FMN2: variants seen among roughly 807,000 people sequenced by gnomAD.
FMN2 encodes formin 2.
In FMN2, 51 loss-of-function variants were observed where a neutral mutation model predicts 142.3. The ratio of observed to expected loss-of-function variants is 0.36; its 90% CI spans 0.29 to 0.45. FMN2 has a LOEUF of 0.45. Among genes scored for constraint, FMN2 ranks in the 20% least tolerant of loss-of-function variants. FMN2 has a pLI of 1.00. For synonymous variants in FMN2, 882 were observed against 869.8 expected, an observed-to-expected ratio of 1.01 and a Z score of -0.25; for missense variants, 1,936 against 2,122.8, an observed-to-expected ratio of 0.91 and a Z score of 1.73.
At chr1:240,358,596 G>A (rs1411623325) in intron 14 of FMN2, among the ~76,000 whole-genome samples, 2 of 148,794 alleles carry the variant, frequency 1.3e-5, no homozygotes, top group Non-Finnish European at 3.0e-5. Context: ...AGGCGAAGGG[G>A]AAGCAAGGCA....
At chr1:240,228,025 C>T (rs1471641837) in intron 6 of FMN2, among the ~76,000 whole-genome samples, 2 of 151,796 alleles carry the variant, frequency 1.3e-5, no homozygotes, top group East Asian at 1.9e-4. Flanking sequence ...TGGGCAAGGC[C>T]GAGCGCAGTG....
chr1:240,421,170 G>A (rs1192510977), intron 15 of FMN2, among the ~76,000 whole-genome samples: 2 of 152,092 alleles, frequency 1.3e-5, no homozygotes, highest in Admixed American at 6.6e-5. Context: ...CCGTGCAAAT[G>A]AAGTGATTGG....
chr1:240,320,213 A>G (rs977937110), intron 8 of FMN2, among the ~76,000 whole-genome samples: 23 of 152,158 alleles, frequency 1.5e-4, no homozygotes, highest in African/African-American at 5.1e-4. Context: ...GTACTTGTAG[A>G]CTGAAACGAT....
At chr1:240,159,972 T>TACAC (rs767025880) in intron 2 of FMN2, among the ~76,000 whole-genome samples, 9,088 of 126,232 alleles carry the variant, frequency 0.072, 371 homozygotes, top group South Asian at 0.11. Flanking sequence ...TATATATATA[T>TACAC]ATACACACAC....
rs1662948429 is a variant in FMN2 at position 240,136,561 on chromosome 1, T to C, written c.1782+13216T>C. ...TTTCACAACTGGTACTTTTTTTTAATCACCCATTTGGCAAACAGTGTTGGG... is the reference window on the plus strand; with the variant it reads ...TTTCACAACTGGTACTTTTTTTTAACCACCCATTTGGCAAACAGTGTTGGG... On this transcript the variant is annotated intron_variant, in intron 2 of 17. Coordinates refer to ENST00000319653, the MANE Select transcript of FMN2 (RefSeq NM_020066.5). Among the ~76,000 whole-genome samples, 5 of 152,216 alleles carry C rather than the reference T, an allele frequency of 3.3e-5. No individual in the cohort carries two copies. The South Asian group carries it at 1.0e-3, about 31-fold the overall frequency.
At chr1:240,279,371 T>C (rs996371970) in intron 7 of FMN2, among the ~76,000 whole-genome samples, 6 of 152,164 alleles carry the variant, frequency 3.9e-5, no homozygotes, top group Non-Finnish European at 8.8e-5. Flanking sequence ...TGAAAGTCAC[T>C]GGATACTTAA....
Position 240,143,999 on chromosome 1 carries a change from A to G in FMN2, c.1782+20654A>G, listed in dbSNP as rs1325392610. The G allele has an allele frequency of 4.8e-6, 6 of 1,246,256 alleles. No individual in the cohort carries two copies. In the East Asian group the frequency reaches 9.3e-5, roughly 19 times the overall value. The allele number at this position is 1,246,256 out of a possible 1,614,324, so 77.2% of individuals were successfully genotyped here. The stretch of plus-strand genomic sequence containing the variant: ...GTCTGAAAGCAGTCCCAGAGCAGGG[A>G]CACACTCATTCCAGACCCCAGAGTT... On this transcript the variant is annotated intron_variant, in intron 2 of 17. Coordinates refer to ENST00000319653, the MANE Select transcript of FMN2 (RefSeq NM_020066.5).
At chr1:240,201,856 G>A (rs958960791) in intron 4 of FMN2, among the ~76,000 whole-genome samples, 2 of 152,120 alleles carry the variant, frequency 1.3e-5, no homozygotes, top group African/African-American at 4.8e-5. Context: ...ATAAAATCAG[G>A]TGTTTTATGG....
intron 13 of FMN2, among the ~76,000 whole-genome samples, chr1:240,341,086 A>G (rs926187589): frequency 1.3e-5 from 2 of 152,134 alleles, no homozygotes; most frequent in African/African-American, 4.8e-5. Flanking sequence ...CCTCAACATT[A>G]TCTTCTAATT....
At chr1:240,412,463 C>G (rs766299145) in intron 15 of FMN2, among the ~76,000 whole-genome samples, 2 of 151,958 alleles carry the variant, frequency 1.3e-5, no homozygotes, top group Non-Finnish European at 2.9e-5. Context: ...TTTTTAAAAC[C>G]ACTTTTGGTT....
chr1:240,148,657 G>A (rs927526951), intron 2 of FMN2, among the ~76,000 whole-genome samples: 1 of 152,150 alleles, frequency 6.6e-6, no homozygotes, highest in African/African-American at 2.4e-5. Flanking sequence ...AAATGCAGAT[G>A]TTCATACCCA....
chr1:240,130,018 C>T (rs565831834), intron 2 of FMN2, among the ~76,000 whole-genome samples: 4 of 152,194 alleles, frequency 2.6e-5, no homozygotes, highest in African/African-American at 7.2e-5. Flanking sequence ...CCCCACTCAC[C>T]GTGTAATAGT....
At chr1:240,143,417 C>G in intron 2 of FMN2, 1 of 1,428,832 alleles carries the variant, frequency 7.0e-7, no homozygotes, top group Non-Finnish European at 9.9e-7. Flanking sequence ...AGGGCAATCC[C>G]CAGAACAGCC....
intron 13 of FMN2, among the ~76,000 whole-genome samples, chr1:240,343,295 G>A (rs1202895871): frequency 1.3e-5 from 2 of 152,164 alleles, no homozygotes; most frequent in African/African-American, 4.8e-5. Flanking sequence ...CTATGCCATA[G>A]ATAGGATCAT....
Position 240,328,105 on chromosome 1 carries a change from G to A in FMN2, c.4216-971G>A, listed in dbSNP as rs182819418. On this transcript the variant is annotated intron_variant, in intron 8 of 17. Transcript: ENST00000319653. ...GCAGGTTGTAGTGAGCAGATGTGGCGCCATTGTACTCCCACCTGGGTGACG... is the reference window on the plus strand; with the variant it reads ...GCAGGTTGTAGTGAGCAGATGTGGCACCATTGTACTCCCACCTGGGTGACG... 3.2e-3 allele frequency among the ~76,000 whole-genome samples: 408 copies of A among 128,048 alleles called. 2 individuals are homozygous for A. Among genetic ancestry groups the A allele is most frequent in the South Asian group, 0.018 (74 of 4,140 alleles). 84.0% of individuals were successfully genotyped at this position (128,048 alleles called of 152,430 possible). A position where few individuals can be genotyped will look rare whatever the true frequency, so the allele number is the denominator to read the frequency against.
At chr1:240,172,631 G>C (rs1336986805) in intron 2 of FMN2, among the ~76,000 whole-genome samples, 1 of 152,034 alleles carries the variant, frequency 6.6e-6, no homozygotes, top group Non-Finnish European at 1.5e-5. Context: ...GAATATTGAG[G>C]CTCCAAAAGG....
At chr1:240,353,608 A>G (rs1488030775) in intron 13 of FMN2, among the ~76,000 whole-genome samples, 1 of 152,218 alleles carries the variant, frequency 6.6e-6, no homozygotes, top group Non-Finnish European at 1.5e-5. Context: ...ATAGTGTGGT[A>G]GTTGATATTG....
intron 15 of FMN2, among the ~76,000 whole-genome samples, chr1:240,434,307 G>A (rs189259024): frequency 8.9e-4 from 135 of 152,236 alleles, no homozygotes; most frequent in Non-Finnish European, 1.6e-3. Context: ...GTATATGGTG[G>A]CTGGGATCCT....
chr1:240,413,499 T>C (rs984058624), intron 15 of FMN2, among the ~76,000 whole-genome samples: 1 of 152,172 alleles, frequency 6.6e-6, no homozygotes, highest in Admixed American at 6.5e-5. Flanking sequence ...CTCTGAGATA[T>C]GTTGGCCTTA....
Sources: gnomAD v4.1 joint callset for allele counts (sites outside exome capture counted in the v4.1 genomes callset) on GRCh38, gnomAD v4.1.1 for gene constraint, MANE v1.5 for transcripts, NCBI Gene and HGNC (gene_info 2026-07-23, HGNC 2026-07-21) for gene names.